Variants in FPGS observed in about 807,000 individuals in gnomAD.
FPGS encodes folylpolyglutamate synthase.
A neutral mutation model predicts 66.5 loss-of-function variants in FPGS; 53 were observed. That is an observed-to-expected ratio of 0.80 (90% confidence interval 0.64 to 1.00). The LOEUF (loss-of-function observed/expected upper bound fraction) is 1.00, where lower values mean the gene tolerates loss of function less well. Among genes scored for constraint, FPGS ranks in the 50% least tolerant of loss-of-function variants. The pLI, the probability that FPGS is intolerant of heterozygous loss-of-function variation, is 0.00. For synonymous variants in FPGS, 348 were observed against 350.9 expected, an observed-to-expected ratio of 0.99 and a Z score of 0.09; for missense variants, 702 against 807.7, an observed-to-expected ratio of 0.87 and a Z score of 1.59.
intron 14 of FPGS, among the ~76,000 whole-genome samples, chr9:127,811,728 C>T (rs1356322829): frequency 6.6e-6 from 1 of 152,080 alleles, no homozygotes; most frequent in Non-Finnish European, 1.5e-5. Context: ...TCAAATGATC[C>T]ACCCACCTCA....
In FPGS at chr9:127,807,970, G is replaced by T; in HGVS notation, c.745-264G>T. Reference sequence around the variant, plus strand: ...AAAATACAAAAATTAGCCAGGTGTGGTGGTGTACGCCTGTAGTTCCAGCTA... The same window carrying T: ...AAAATACAAAAATTAGCCAGGTGTGTTGGTGTACGCCTGTAGTTCCAGCTA... On this transcript the variant is annotated intron_variant, in intron 8 of 14. Transcript: ENST00000373247. This position sits in a 1 kb window ranked among gnomAD's most constrained non-coding sequence, Gnocchi z 5.8. 1 of 570,186 alleles carries T rather than the reference G, an allele frequency of 1.8e-6. No individual in the cohort carries two copies. The highest frequency in any genetic ancestry group is 3.1e-6 in the Non-Finnish European group (1 of 322,440). 35.3% of individuals were successfully genotyped at this position (570,186 alleles called of 1,614,324 possible).
chr9:127,807,948 A>C lies in FPGS; in HGVS notation c.744+260A>C, dbSNP rs149446104. ...TGGGGAAACTCTGTCTCTACTAAAAATACAAAAATTAGCCAGGTGTGGTGG... is the reference window on the plus strand; with the variant it reads ...TGGGGAAACTCTGTCTCTACTAAAACTACAAAAATTAGCCAGGTGTGGTGG... On this transcript the variant is annotated intron_variant, in intron 8 of 14. Transcript: ENST00000373247. This position sits in a 1 kb window ranked among gnomAD's most constrained non-coding sequence, Gnocchi z 5.8. The C allele has an allele frequency of 1.1e-3, 594 of 563,866 alleles. 5 individuals carry two copies. The highest frequency in any genetic ancestry group is 0.01 in the African/African-American group (545 of 53,066). 34.9% of individuals were successfully genotyped at this position (563,866 alleles called of 1,614,324 possible). A position where few individuals can be genotyped will look rare whatever the true frequency, so the allele number is the denominator to read the frequency against.
chr9:127,803,281 C>A (rs987590453), intron 1 of FPGS: 11 of 1,233,336 alleles, frequency 8.9e-6, no homozygotes, highest in Non-Finnish European at 5.1e-6. Flanking sequence ...ATAGCGTCCC[C>A]GCCCCGGGTT....
chr9:127,810,165 G>A, intron 13 of FPGS, 59 bp downstream of exon 13: 1 of 1,437,870 alleles, frequency 7.0e-7, no homozygotes, highest in Non-Finnish European at 9.7e-7. Context: ...GTCTGGCGGT[G>A]TGACCCTGGG....
Position 127,804,281 on chromosome 9 carries a change from C to T in FPGS, c.139-4C>T, listed in dbSNP as rs1829721556. On this transcript the variant is annotated splice_polypyrimidine_tract_variant and splice_region_variant and intron_variant, in intron 1 of 14. Transcript: ENST00000373247. ...ACCTACTATCTGGGCACTGTGGTTG[C>T]CAGGATGCCGTGCGCATGCTCAATA... 1 of 1,613,530 alleles carries T rather than the reference C, an allele frequency of 6.2e-7. No individual in the cohort carries two copies. The highest frequency in any genetic ancestry group is 1.1e-5 in the South Asian group (1 of 91,016).
At position 127,814,065 on chromosome 9, in the gene FPGS, G is replaced by T. The variant is rs1244545936; in HGVS notation, c.*461G>T. The T allele has an allele frequency of 4.8e-5, 48 of 990,598 alleles. No individual in the cohort carries two copies. Among genetic ancestry groups the T allele is most frequent in the Non-Finnish European group, 5.8e-5 (48 of 833,760 alleles). 61.4% of individuals were successfully genotyped at this position (990,598 alleles called of 1,614,324 possible). On this transcript the variant is annotated 3_prime_UTR_variant, in exon 15 of 15. Coordinates refer to ENST00000373247, the MANE Select transcript of FPGS (RefSeq NM_004957.6). Reference sequence around the variant, plus strand: ...AAAGCCTTTGTTTTTTAAAGAAATGGCAAAGCCTTCGACTGACCCTTGACC... The same window carrying T: ...AAAGCCTTTGTTTTTTAAAGAAATGTCAAAGCCTTCGACTGACCCTTGACC...
Position 127,804,713 on chromosome 9 carries a change from G to A in FPGS, c.386+13G>A. On this transcript the variant is annotated intron_variant, in intron 4 of 14. Coordinates refer to ENST00000373247, the MANE Select transcript of FPGS (RefSeq NM_004957.6). ...CGGGATTCTTTAGGTACTGGCTTGT[G>A]GGGGGATGTGGTGTCTGTGTCCCAA... 1.2e-6 allele frequency: 2 copies of A among 1,613,554 alleles called. No homozygotes were observed. Among genetic ancestry groups the A allele is most frequent in the Non-Finnish European group, 1.7e-6 (2 of 1,179,704 alleles).
At chr9:127,810,630 C>T (rs978064102) in intron 13 of FPGS, among the ~76,000 whole-genome samples, 3 of 152,098 alleles carry the variant, frequency 2.0e-5, no homozygotes, top group African/African-American at 7.2e-5. Context: ...CTCCCATTTA[C>T]CCACAGCCTT....
chr9:127,803,632 G>A (rs1829694851), intron 1 of FPGS, among the ~76,000 whole-genome samples: 1 of 152,160 alleles, frequency 6.6e-6, no homozygotes, highest in Non-Finnish European at 1.5e-5. Flanking sequence ...GAGGCGGGTG[G>A]CACTGGTTTG....
chr9:127,803,217 G>A, intron 1 of FPGS, 155 bp downstream of exon 1: 2 of 1,254,060 alleles, frequency 1.6e-6, no homozygotes, highest in Non-Finnish European at 1.0e-6. Context: ...CTGGGGGTGG[G>A]GACAGGGACC....
intron 14 of FPGS, 56 bp from the exon 15 acceptor site, chr9:127,813,139 C>A (rs1019624057): frequency 9.3e-6 from 14 of 1,513,346 alleles, no homozygotes; most frequent in Non-Finnish European, 1.2e-5. Context: ...CTTTCTCCAC[C>A]CCTGTCCCTT....
At position 127,808,852 on chromosome 9, in the gene FPGS, G is replaced by A. The variant is rs779057595; in HGVS notation, c.1023G>A (p.Leu341=). Residue 341 remains leucine, a synonymous_variant, in exon 11 of 15, where the codon CTG becomes CTA. Coordinates refer to ENST00000373247, the MANE Select transcript of FPGS (RefSeq NM_004957.6). ...SRPGLLWQLP[L]APVFQPTSHM... is the part of the protein sequence containing the mutation. Reference sequence around the variant, plus strand: ...CAGGGCTCCTGTGGCAGCTGCCCCTGGCACCTGTGTTCCAGCCCACATCCC... The same window carrying A: ...CAGGGCTCCTGTGGCAGCTGCCCCTAGCACCTGTGTTCCAGCCCACATCCC... 1.3e-6 allele frequency: 2 copies of A among 1,562,488 alleles called. No homozygotes were observed. The highest frequency in any genetic ancestry group is 2.4e-5 in the South Asian group (2 of 84,830).
chr9:127,806,658 G>A (rs987573353), intron 4 of FPGS: 1 of 362,150 alleles, frequency 2.8e-6, no homozygotes, highest in Non-Finnish European at 5.2e-6. Context: ...TGACATTGTG[G>A]GACAGATGTC....
chr9:127,811,546 C>T (rs1044532653), intron 14 of FPGS, among the ~76,000 whole-genome samples: 1 of 152,200 alleles, frequency 6.6e-6, no homozygotes, highest in South Asian at 2.1e-4. Flanking sequence ...AATATAGTGG[C>T]ACAATCTCAG....
intron 4 of FPGS, among the ~76,000 whole-genome samples, chr9:127,805,330 G>A (rs1392668557): frequency 1.3e-5 from 2 of 152,032 alleles, no homozygotes; most frequent in East Asian, 3.8e-4. Flanking sequence ...GATCACCTGA[G>A]TCTGGGGAGG....
chr9:127,803,398 A>G (rs555586853), intron 1 of FPGS: 28 of 1,080,872 alleles, frequency 2.6e-5, no homozygotes, highest in Non-Finnish European at 3.1e-5. Flanking sequence ...GAGAGTGGGG[A>G]AAGAGGGTAG....
At position 127,802,988 on chromosome 9, in the gene FPGS, A is replaced by C. The variant is rs10760502; in HGVS notation, c.64A>C (p.Ile22Leu). 10 of 1,462,954 alleles carry C rather than the reference A, an allele frequency of 6.8e-6. No homozygotes were observed. Among genetic ancestry groups the C allele is most frequent in the South Asian group, 2.7e-5 (2 of 75,218 alleles). 90.6% of individuals were successfully genotyped at this position (1,462,954 alleles called of 1,614,324 possible). The change falls in exon 1 of 15, where the codon ATA (isoleucine) becomes CTA (leucine). Residue 22 changes from isoleucine (I) to leucine (L), a missense_variant. By Grantham distance (5) the Ile-to-Leu change is conservative (BLOSUM62 2). This residue lies in a region of FPGS where 111 missense variants were observed against 95.4 expected (regional missense o/e 1.16). Transcript: ENST00000373247. ...LFLAAASARG[I>L]TTQVAARRGL... ...CCTGGCAGCGGCGTCTGCGCGCGGC[A>C]TAACGACCCAGGTCGCGGCGCGGCG...
intron 14 of FPGS, 59 bp downstream of exon 14, chr9:127,811,070 G>A: frequency 9.8e-7 from 1 of 1,019,090 alleles, no homozygotes. Context: ...GTAGACAGTG[G>A]GGGCTTCCAA....
chr9:127,809,039 T>G (rs1334139646), intron 11 of FPGS, 150 bp downstream of exon 11: 1 of 647,928 alleles, frequency 1.5e-6, no homozygotes, highest in Non-Finnish European at 2.7e-6. Flanking sequence ...TCAGCAAACC[T>G]CCCTGACCTT....
Sources: gnomAD v4.1 joint callset for allele counts (sites outside exome capture counted in the v4.1 genomes callset) on GRCh38, gnomAD v4.1.1 for gene constraint, gnomAD v4.1.1 regional missense constraint, Gnocchi (gnomAD v3.1) non-coding constraint, MANE v1.5 for transcripts, NCBI Gene and HGNC (gene_info 2026-07-23, HGNC 2026-07-21) for gene names.